UBAC2: variants seen among roughly 807,000 people sequenced by gnomAD.
UBAC2 encodes UBA domain containing 2.
Under a neutral mutation model 44.0 loss-of-function variants are expected in UBAC2, and 26 were observed. The ratio of observed to expected loss-of-function variants is 0.59; its 90% CI spans 0.43 to 0.82. The LOEUF (loss-of-function observed/expected upper bound fraction) is 0.82, where lower values mean the gene tolerates loss of function less well. UBAC2 is among the 40% of genes least tolerant of loss of function. The pLI is 0.00. For synonymous variants in UBAC2, 155 were observed against 154.3 expected, an observed-to-expected ratio of 1.00 and a Z score of -0.04; for missense variants, 329 against 419.4, an observed-to-expected ratio of 0.78 and a Z score of 1.88.
At chr13:99,204,901 C>CTTTTT (rs569772649) in intron 1 of UBAC2, among the ~76,000 whole-genome samples, 1 of 75,950 alleles carries the variant, frequency 1.3e-5, no homozygotes, top group African/African-American at 5.3e-5. Context: ...GTTTCGTTTC[C>CTTTTT]TTTTTTTTTT....
intron 7 of UBAC2, among the ~76,000 whole-genome samples, chr13:99,345,294 T>C (rs2044957015): frequency 1.3e-5 from 2 of 152,278 alleles, no homozygotes; most frequent in South Asian, 4.1e-4. Flanking sequence ...TGAAAAATTG[T>C]TTATTCAGTA....
chr13:99,331,553 A>G (rs34600801), intron 6 of UBAC2, among the ~76,000 whole-genome samples: 2 of 152,324 alleles, frequency 1.3e-5, no homozygotes, highest in East Asian at 1.9e-4. Flanking sequence ...TATCATTTCT[A>G]TTCCCTCATA....
At chr13:99,321,946 A>G (rs181586731) in intron 6 of UBAC2, among the ~76,000 whole-genome samples, 111 of 152,328 alleles carry the variant, frequency 7.3e-4, no homozygotes, top group African/African-American at 2.5e-3. Context: ...GTACTTAAAG[A>G]TGACTGTAAG....
rs1391647064 is a variant in UBAC2 at position 99,200,877 on chromosome 13, G to A, written c.-32G>A. 3 of 1,298,744 alleles carry A rather than the reference G, an allele frequency of 2.3e-6. No individual in the cohort carries two copies. The highest frequency in any genetic ancestry group is 1.5e-5 in the African/African-American group (1 of 65,730). 80.5% of individuals were successfully genotyped at this position (1,298,744 alleles called of 1,614,324 possible). A position where few individuals can be genotyped will look rare whatever the true frequency, so the allele number is the denominator to read the frequency against. ...TCGCACTTCAGCTTCCCCTCCCCCG[G>A]CGCCCTCTGGGGCTCCGAGCCCGGC... On this transcript the variant is annotated 5_prime_UTR_variant, in exon 1 of 9. Coordinates refer to ENST00000403766, the MANE Select transcript of UBAC2 (RefSeq NM_001144072.2).
At chr13:99,210,478 C>CTT (rs67744400) in intron 1 of UBAC2, among the ~76,000 whole-genome samples, 2 of 112,628 alleles carry the variant, frequency 1.8e-5, no homozygotes, top group Non-Finnish European at 3.8e-5. Flanking sequence ...TTTTTCTTTT[C>CTT]TTTTTTTTTT....
intron 4 of UBAC2, among the ~76,000 whole-genome samples, chr13:99,296,663 T>C (rs1039919088): frequency 2.6e-5 from 4 of 152,184 alleles, no homozygotes; most frequent in Admixed American, 6.6e-5. Context: ...TAGTGAAATA[T>C]GAACTTACCA....
intron 1 of UBAC2, chr13:99,215,684 G>A: frequency 5.3e-6 from 8 of 1,496,822 alleles, no homozygotes; most frequent in Non-Finnish European, 7.2e-6. Context: ...GGAACTGCAA[G>A]CCGGCTCTCT....
chr13:99,201,250 C>G (rs973460096), intron 1 of UBAC2: 1 of 1,434,270 alleles, frequency 7.0e-7, no homozygotes. Context: ...TCTCGTGGGC[C>G]GGCCCCAGGC....
chr13:99,209,112 C>T (rs1338253152), intron 1 of UBAC2, among the ~76,000 whole-genome samples: 1 of 152,232 alleles, frequency 6.6e-6, no homozygotes, highest in African/African-American at 2.4e-5. Context: ...CAGTGCTCAG[C>T]ACGGCTTTTC....
At chr13:99,371,785 T>C (rs1206521583) in intron 8 of UBAC2, among the ~76,000 whole-genome samples, 1 of 152,222 alleles carries the variant, frequency 6.6e-6, no homozygotes, top group Non-Finnish European at 1.5e-5. Flanking sequence ...ACTTTAGGAA[T>C]TTAGTGAGAG....
In UBAC2 at chr13:99,295,450, G is replaced by A; in HGVS notation, c.390-18647G>A. The A allele has an allele frequency of 1.2e-6, 2 of 1,614,062 alleles. No individual in the cohort carries two copies. Among genetic ancestry groups the A allele is most frequent in the Non-Finnish European group, 1.7e-6 (2 of 1,180,018 alleles). On this transcript the variant is annotated intron_variant, in intron 4 of 8. Coordinates refer to ENST00000403766, the MANE Select transcript of UBAC2 (RefSeq NM_001144072.2). This position sits in a 1 kb window ranked among gnomAD's most constrained non-coding sequence, Gnocchi z 4.1. ...TTTTGTTTACACCAGATTTCTCAGT[G>A]AGTGGGTTTTGTTTGGCAGTTCTGA...
chr13:99,256,753 T>C (rs1294801724), intron 4 of UBAC2, among the ~76,000 whole-genome samples: 1 of 150,928 alleles, frequency 6.6e-6, no homozygotes, highest in Non-Finnish European at 1.5e-5. Flanking sequence ...AGGAGGTTAT[T>C]TGGGGTTGCA....
At chr13:99,320,888 C>T (rs768402117) in intron 6 of UBAC2, among the ~76,000 whole-genome samples, 2 of 152,194 alleles carry the variant, frequency 1.3e-5, no homozygotes, top group Admixed American at 6.5e-5. Context: ...AACATGACTT[C>T]CCCTCTTCCT....
In UBAC2 at chr13:99,318,032, C is replaced by G; in HGVS notation, c.524C>G (p.Ser175Cys). Reference sequence around the variant, plus strand: ...TTTTTTCTTTTATAGCTTTTCACCTCTGGTTCCTACATCTGGATTGTAGCC... The same window carrying G: ...TTTTTTCTTTTATAGCTTTTCACCTGTGGTTCCTACATCTGGATTGTAGCC... ...IYILGLQLFTSGSYIWIVAIS... is the reference protein window; with the variant it reads ...IYILGLQLFTCGSYIWIVAIS... The change falls in exon 6 of 9, where the codon TCT becomes TGT. Residue 175 changes from serine (S) to cysteine (C), a missense_variant. Transcript: ENST00000403766. 1 of 1,609,140 alleles carries G rather than the reference C, an allele frequency of 6.2e-7. No individual in the cohort carries two copies. Among genetic ancestry groups the G allele is most frequent in the Non-Finnish European group, 8.5e-7 (1 of 1,178,400 alleles).
chr13:99,229,453 G>A (rs1326873226), intron 1 of UBAC2, among the ~76,000 whole-genome samples: 5 of 152,220 alleles, frequency 3.3e-5, no homozygotes, highest in Non-Finnish European at 5.9e-5. Context: ...AAAGGCTCCT[G>A]AGAACAAAGC....
chr13:99,202,361 G>A (rs904093193), intron 1 of UBAC2, among the ~76,000 whole-genome samples: 6 of 152,320 alleles, frequency 3.9e-5, no homozygotes, highest in African/African-American at 1.4e-4. Flanking sequence ...CATTAGGACT[G>A]TAGCTGAAGC....
At position 99,379,469 on chromosome 13, in the gene UBAC2, G is replaced by A. The variant is rs372687154; in HGVS notation, c.928-5759G>A. On this transcript the variant is annotated intron_variant, in intron 8 of 8. Transcript: ENST00000403766. ...GTTTCATGTTTTTTCTTAAATTTCTGCAGCCAACATGTTGAATATTCATAG... is the reference window on the plus strand; with the variant it reads ...GTTTCATGTTTTTTCTTAAATTTCTACAGCCAACATGTTGAATATTCATAG... Among the ~76,000 whole-genome samples, 18 of 152,240 alleles carry A rather than the reference G, an allele frequency of 1.2e-4. 1 individual carries two copies. The East Asian group carries it at 2.7e-3, about 23-fold the overall frequency.
chr13:99,321,289 C>T (rs765814634), intron 6 of UBAC2, among the ~76,000 whole-genome samples: 4 of 152,108 alleles, frequency 2.6e-5, no homozygotes, highest in Non-Finnish European at 4.4e-5. Context: ...TAGCTAGGTA[C>T]TGGTTGATTT....
intron 6 of UBAC2, among the ~76,000 whole-genome samples, chr13:99,319,032 A>G (rs968867156): frequency 1.3e-5 from 2 of 152,124 alleles, no homozygotes; most frequent in African/African-American, 4.8e-5. Context: ...AGACATTGTC[A>G]CACGAGGGAA....
Sources: gnomAD v4.1 joint callset for allele counts (sites outside exome capture counted in the v4.1 genomes callset) on GRCh38, gnomAD v4.1.1 for gene constraint, Gnocchi (gnomAD v3.1) non-coding constraint, MANE v1.5 for transcripts, NCBI Gene and HGNC (gene_info 2026-07-23, HGNC 2026-07-21) for gene names.